CHM: variants seen among roughly 807,000 people sequenced by gnomAD.
The protein encoded by CHM is rab proteins geranylgeranyltransferase component A 1.
CHM carries 10 observed loss-of-function variants against 49.0 expected under a neutral mutation model. The ratio of observed to expected loss-of-function variants is 0.20; its 90% confidence interval spans 0.13 to 0.35. The LOEUF is 0.35. Among genes scored for constraint, CHM ranks in the 10% least tolerant of loss-of-function variants. The pLI is 1.00. For synonymous variants in CHM, 184 were observed against 167.5 expected, an observed-to-expected ratio of 1.10 and a Z score of -0.76; for missense variants, 455 against 478.4, an observed-to-expected ratio of 0.95 and a Z score of 0.46.
chrX:85,999,486 C>T (rs1246921789), intron 2 of CHM, among the ~76,000 whole-genome samples: 1 of 110,587 alleles, frequency 9.0e-6, no homozygotes, highest in Non-Finnish European at 1.9e-5. Context: ...AAATATAAAG[C>T]CAAATGACAT....
intron 13 of CHM, among the ~76,000 whole-genome samples, chrX:85,875,101 G>A (rs998729356): frequency 8.1e-5 from 9 of 111,504 alleles, no homozygotes; most frequent in Non-Finnish European, 1.5e-4. Flanking sequence ...TAGACGTTGC[G>A]CCTTTGAAAA....
chrX:85,863,685 CAA>C lies in CHM; in HGVS notation c.*943_*944del, dbSNP rs758406251. ...CCTGCGTGAGACTTTTGAGATTCAT[CAA>C]GTCAATGGGAAAATTCTAAAACAAT... On this transcript the variant is annotated 3_prime_UTR_variant, in exon 15 of 15. Coordinates refer to ENST00000357749, the MANE Select transcript of CHM (RefSeq NM_000390.4). 1 of 112,226 alleles carries C rather than the reference CAA, an allele frequency of 8.9e-6. No individual in the cohort carries two copies. Among genetic ancestry groups the C allele is most frequent in the East Asian group, 2.8e-4 (1 of 3,565 alleles). 9.2% of individuals were successfully genotyped at this position (112,226 alleles called of 1,213,427 possible). A position where few individuals can be genotyped will look rare whatever the true frequency, so the allele number is the denominator to read the frequency against.
At chrX:85,977,098 G>A (rs1351948224) in intron 4 of CHM, among the ~76,000 whole-genome samples, 1 of 111,662 alleles carries the variant, frequency 9.0e-6, no homozygotes, top group Non-Finnish European at 1.9e-5. Flanking sequence ...TCTTGCTGGG[G>A]CTAAGTGAGA....
chrX:85,890,698 C>T (rs773791481), intron 12 of CHM, among the ~76,000 whole-genome samples: 110 of 111,758 alleles, frequency 9.8e-4, no homozygotes, highest in African/African-American at 3.4e-3. Context: ...TTTCCAGTTT[C>T]GGGTATGTCT....
At chrX:85,926,389 C>G (rs1484921244) in intron 8 of CHM, among the ~76,000 whole-genome samples, 1 of 111,289 alleles carries the variant, frequency 9.0e-6, no homozygotes, top group East Asian at 2.8e-4. Context: ...TTATTTACCC[C>G]TCTCAAAGAA....
At chrX:85,898,558 C>A (rs1485070121) in intron 11 of CHM, among the ~76,000 whole-genome samples, 1 of 112,014 alleles carries the variant, frequency 8.9e-6, no homozygotes, top group East Asian at 2.8e-4. Flanking sequence ...AAGACCAGTT[C>A]CTCTCTCTTA....
intron 8 of CHM, among the ~76,000 whole-genome samples, chrX:85,932,179 G>A: frequency 8.9e-6 from 1 of 112,075 alleles, no homozygotes; most frequent in East Asian, 2.8e-4. Context: ...AAGGTTGACA[G>A]ATTCGTATTT....
chrX:85,931,989 A>G (rs1392675634), intron 8 of CHM, among the ~76,000 whole-genome samples: 5 of 111,744 alleles, frequency 4.5e-5, no homozygotes, highest in African/African-American at 1.3e-4. Context: ...TCCTCATGCC[A>G]TTTCAACATA....
chrX:85,894,806 G>A (rs1925712407), intron 11 of CHM, among the ~76,000 whole-genome samples: 1 of 111,802 alleles, frequency 8.9e-6, no homozygotes, highest in African/African-American at 3.2e-5. Flanking sequence ...TCTGAAATAT[G>A]TGTATTTTGC....
chrX:86,024,447 C>A (rs1317623309), intron 2 of CHM, among the ~76,000 whole-genome samples: 1 of 112,258 alleles, frequency 8.9e-6, no homozygotes, highest in Non-Finnish European at 1.9e-5. Flanking sequence ...GTTTCGGTTC[C>A]CTCACTAAGT....
intron 8 of CHM, among the ~76,000 whole-genome samples, chrX:85,924,497 G>A (rs1927970601): frequency 9.0e-6 from 1 of 111,720 alleles, no homozygotes; most frequent in Non-Finnish European, 1.9e-5. Flanking sequence ...GGAATACCCA[G>A]AAAGCACTCT....
intron 14 of CHM, among the ~76,000 whole-genome samples, chrX:85,868,888 A>G (rs1022252063): frequency 8.9e-6 from 1 of 112,269 alleles, no homozygotes; most frequent in African/African-American, 3.2e-5. Context: ...TGATCTTATC[A>G]TATACCATTT....
At chrX:85,929,169 T>C (rs865916735) in intron 8 of CHM, among the ~76,000 whole-genome samples, 16 of 111,702 alleles carry the variant, frequency 1.4e-4, no homozygotes, top group Non-Finnish European at 2.1e-4. Context: ...ATGGCCTCCA[T>C]TGGTATTGTC....
At chrX:85,992,547 A>G (rs17252439) in intron 2 of CHM, among the ~76,000 whole-genome samples, 4,823 of 110,526 alleles carry the variant, frequency 0.044, 108 homozygotes, top group Non-Finnish European at 0.067. Flanking sequence ...TACTGGACTT[A>G]CTCCCTACAC....
Position 85,935,151 on chromosome X carries a change from G to C in CHM, c.1166+21002C>G, listed in dbSNP as rs751055838. Among the ~76,000 whole-genome samples the C allele has an allele frequency of 3.6e-5, 4 of 111,530 alleles. No individual in the cohort carries two copies. In the East Asian group the frequency reaches 1.1e-3, roughly 32 times the overall value. ...TCCAATAATGGTGGAAGGCAAAGAG[G>C]GAGTAGATGTGTCACACAGTAAAAG... On this transcript the variant is annotated intron_variant, in intron 8 of 14. Coordinates refer to ENST00000357749, the MANE Select transcript of CHM (RefSeq NM_000390.4).
At chrX:85,971,016 CTTCAGAATACTTT>C in intron 4 of CHM, 1 of 647,526 alleles carries the variant, frequency 1.5e-6, no homozygotes, top group Non-Finnish European at 1.8e-6. Flanking sequence ...TTGAATAATA[CTTCAGAATACTTT>C]TTAAATAAGT....
chrX:85,905,226 A>G (rs749516229), intron 9 of CHM, among the ~76,000 whole-genome samples: 4 of 111,119 alleles, frequency 3.6e-5, no homozygotes, highest in African/African-American at 1.3e-4. Flanking sequence ...TTTTATATCT[A>G]GTCTGCTATA....
At chrX:85,963,637 T>A in intron 5 of CHM, 28 bp downstream of exon 5, 3 of 1,177,303 alleles carry the variant, frequency 2.5e-6, no homozygotes, top group Non-Finnish European at 3.5e-6. Flanking sequence ...CTGTTTTCAA[T>A]GCAAAGATGG....
chrX:85,981,820 T>TAAAAAAAAAAAAAAAA lies in CHM; in HGVS notation c.117-27_117-12dup. On this transcript the variant is annotated splice_polypyrimidine_tract_variant and intron_variant, in intron 2 of 14. Transcript: ENST00000357749. ...CCATAGTAGCTTCTTCTGTAACAAT[T>TAAAAAAAAAAAAAAAA]AAAAAAAAAAAAAAAAGTAAAGAAA... The TAAAAAAAAAAAAAAAA allele has an allele frequency of 1.1e-6, 1 of 949,880 alleles. No individual in the cohort carries two copies. The highest frequency in any genetic ancestry group is 3.5e-5 in the Admixed American group (1 of 28,279). The allele number at this position is 949,880 out of a possible 1,213,427, so 78.3% of individuals were successfully genotyped here. A position where few individuals can be genotyped will look rare whatever the true frequency, so the allele number is the denominator to read the frequency against.
Sources: gnomAD v4.1 joint callset for allele counts (sites outside exome capture counted in the v4.1 genomes callset) on GRCh38, gnomAD v4.1.1 for gene constraint, MANE v1.5 for transcripts, NCBI Gene and HGNC (gene_info 2026-07-23, HGNC 2026-07-21) for gene names.